COQ2: variants seen among roughly 807,000 people sequenced by gnomAD.
COQ2 encodes 4-hydroxybenzoate polyprenyltransferase, mitochondrial.
COQ2 carries 25 observed loss-of-function variants against 35.7 expected under a neutral mutation model. The observed-to-expected ratio is 0.70, with a 90% CI of 0.51 to 0.98. The LOEUF is 0.98. Ranked by LOEUF, COQ2 falls within the 50% of genes least tolerant of loss-of-function variation. The pLI is 0.00. For synonymous variants in COQ2, 206 were observed against 186.2 expected (o/e 1.11, Z -0.86); for missense variants, 488 against 473.5 (o/e 1.03, Z -0.28).
chr4:83,268,209 G>A (rs1290758383), intron 5 of COQ2, among the ~76,000 whole-genome samples: 1 of 152,116 alleles, frequency 6.6e-6, no homozygotes, highest in Non-Finnish European at 1.5e-5. Flanking sequence ...TTTCAATCTT[G>A]CAAAAGTCAC....
At chr4:83,269,298 C>T (rs1024107439) in intron 5 of COQ2, among the ~76,000 whole-genome samples, 12 of 151,732 alleles carry the variant, frequency 7.9e-5, no homozygotes, top group Non-Finnish European at 2.9e-5. Context: ...ATCTCATAGT[C>T]CATAGTCTTA....
chr4:83,283,912 C>G, intron 1 of COQ2: 1 of 985,412 alleles, frequency 1.0e-6, no homozygotes, highest in Non-Finnish European at 1.2e-6. Flanking sequence ...ACAGGCAGTC[C>G]GTAAGCGCTG....
At chr4:83,282,170 T>C (rs889736836) in intron 1 of COQ2, among the ~76,000 whole-genome samples, 1 of 152,132 alleles carries the variant, frequency 6.6e-6, no homozygotes, top group African/African-American at 2.4e-5. Flanking sequence ...CAAGACAACA[T>C]AATCACCCAT....
intron 6 of COQ2, chr4:83,266,726 G>A (rs563935880): frequency 1.3e-5 from 2 of 157,336 alleles, no homozygotes; most frequent in East Asian, 1.9e-4. Flanking sequence ...AGTCAACAAT[G>A]TAGATTCTCA....
chr4:83,273,705 G>T, intron 2 of COQ2, 88 bp from the exon 3 acceptor site: 2 of 1,224,024 alleles, frequency 1.6e-6, no homozygotes, highest in Non-Finnish European at 2.3e-6. Flanking sequence ...CCCATGGTAG[G>T]CACAAATATG....
At chr4:83,277,980 AC>A (rs1735225230) in intron 2 of COQ2, among the ~76,000 whole-genome samples, 1 of 3,012 alleles carries the variant, frequency 3.3e-4, no homozygotes, top group South Asian at 0.028. Flanking sequence ...CAAAACACAC[AC>A]ACACACACAC....
In COQ2 at chr4:83,284,465, A is replaced by C. The variant is rs13113787; in HGVS notation, c.253+47T>G. The C allele has an allele frequency of 0.95, 1,448,784 of 1,519,782 alleles. 692,662 individuals are homozygous for C. The highest frequency in any genetic ancestry group is 0.99 in the East Asian group (36,784 of 37,068). 94.1% of individuals were successfully genotyped at this position (1,519,782 alleles called of 1,614,324 possible). A position where few individuals can be genotyped will look rare whatever the true frequency, so the allele number is the denominator to read the frequency against. ...GGACAGCTCCGCGGAGCCGACTCGG[A>C]GGCTGCTACTTGCAAATTCCCGGGC... On this transcript the variant is annotated intron_variant, in intron 1 of 6. Coordinates refer to ENST00000647002, the MANE Select transcript of COQ2 (RefSeq NM_001358921.2).
Position 83,264,026 on chromosome 4 carries a change from G to T in COQ2, c.*173C>A. The stretch of plus-strand genomic sequence containing the variant: ...CATCTCAAATCCTGAAGAGTCCCTG[G>T]TTTCTGTGACAAGGGGGAATTTTGC... On this transcript the variant is annotated 3_prime_UTR_variant, in exon 7 of 7. Coordinates refer to ENST00000647002, the MANE Select transcript of COQ2 (RefSeq NM_001358921.2). 2.0e-6 allele frequency: 1 copy of T among 494,806 alleles called. No individual in the cohort carries two copies. Among genetic ancestry groups the T allele is most frequent in the Non-Finnish European group, 3.4e-6 (1 of 293,098 alleles). The allele number at this position is 494,806 out of a possible 1,614,324, so 30.7% of individuals were successfully genotyped here.
At position 83,264,058 on chromosome 4, in the gene COQ2, A is replaced by G. The variant is rs1041721442; in HGVS notation, c.*141T>C. 1 of 598,052 alleles carries G rather than the reference A, an allele frequency of 1.7e-6. No individual in the cohort carries two copies. The highest frequency in any genetic ancestry group is 2.7e-6 in the Non-Finnish European group (1 of 374,410). The allele number at this position is 598,052 out of a possible 1,614,324, so 37.0% of individuals were successfully genotyped here. ...TGACAAGGGGGAATTTTGCTAGCAA[A>G]TAAGTAAAATCCAGGTAAATATGCT... On this transcript the variant is annotated 3_prime_UTR_variant, in exon 7 of 7. Coordinates refer to ENST00000647002, the MANE Select transcript of COQ2 (RefSeq NM_001358921.2).
At position 83,272,213 on chromosome 4, in the gene COQ2, C is replaced by T. The variant is rs6841889; in HGVS notation, c.543-41G>A. 0.7 allele frequency: 906,422 copies of T among 1,286,364 alleles called. 321,696 individuals are homozygous for T. Among genetic ancestry groups the T allele is most frequent in the East Asian group, 0.84 (34,978 of 41,520 alleles). The allele number at this position is 1,286,364 out of a possible 1,614,324, so 79.7% of individuals were successfully genotyped here. ...ACCATTAAAGTGATTATTACCACTA[C>T]CTCTTAGAAACCACGAAATACTTTA... On this transcript the variant is annotated intron_variant, in intron 3 of 6. Coordinates refer to ENST00000647002, the MANE Select transcript of COQ2 (RefSeq NM_001358921.2).
chr4:83,272,638 A>T (rs1166871455), intron 3 of COQ2, among the ~76,000 whole-genome samples: 1 of 152,242 alleles, frequency 6.6e-6, no homozygotes, highest in Non-Finnish European at 1.5e-5. Context: ...CCAACCTATC[A>T]ACCACCAAAT....
At chr4:83,276,697 T>C (rs955086816) in intron 2 of COQ2, among the ~76,000 whole-genome samples, 1 of 152,208 alleles carries the variant, frequency 6.6e-6, no homozygotes, top group African/African-American at 2.4e-5. Context: ...AGTGGGTATC[T>C]ACCCACAGGA....
intron 2 of COQ2, among the ~76,000 whole-genome samples, chr4:83,276,407 G>A (rs972918843): frequency 6.6e-6 from 1 of 152,070 alleles, no homozygotes. Flanking sequence ...AATTAAGTCT[G>A]ATTTGTCTAT....
intron 1 of COQ2, 26 bp downstream of exon 1, chr4:83,284,486 C>A (rs1393233720): frequency 6.5e-7 from 1 of 1,548,190 alleles, no homozygotes; most frequent in Admixed American, 1.9e-5. Context: ...TGCAAATTCC[C>A]GGGCTGCCCG....
chr4:83,280,048 G>A (rs1185308129), intron 1 of COQ2, among the ~76,000 whole-genome samples: 1 of 151,940 alleles, frequency 6.6e-6, no homozygotes, highest in African/African-American at 2.4e-5. Context: ...CAGGCTAGTT[G>A]CAAACTCTTG....
At chr4:83,276,787 C>T (rs368242056) in intron 2 of COQ2, among the ~76,000 whole-genome samples, 2 of 152,168 alleles carry the variant, frequency 1.3e-5, no homozygotes, top group East Asian at 1.9e-4. Context: ...GTCGTGGAAT[C>T]AACCAAAGTG....
Position 83,269,805 on chromosome 4 carries a change from G to A in COQ2, c.762+55C>T, listed in dbSNP as rs1254256801. ...AAAAAAATGCTTTCTCCTTAATTTGGTTCTTTAAAAACAGCAACAACTAAA... is the reference window on the plus strand; with the variant it reads ...AAAAAAATGCTTTCTCCTTAATTTGATTCTTTAAAAACAGCAACAACTAAA... On this transcript the variant is annotated intron_variant, in intron 5 of 6. Transcript: ENST00000647002. 2.2e-6 allele frequency: 3 copies of A among 1,384,094 alleles called. No individual in the cohort carries two copies. The African/African-American group carries it at 4.6e-5, about 21-fold the overall frequency. The allele number at this position is 1,384,094 out of a possible 1,614,324, so 85.7% of individuals were successfully genotyped here. A position where few individuals can be genotyped will look rare whatever the true frequency, so the allele number is the denominator to read the frequency against.
intron 6 of COQ2, among the ~76,000 whole-genome samples, chr4:83,266,514 T>C (rs1734923101): frequency 6.6e-6 from 1 of 152,128 alleles, no homozygotes; most frequent in Non-Finnish European, 1.5e-5. Context: ...CCCACCACCA[T>C]GCCCAGCTAA....
In COQ2 at chr4:83,284,781, G is replaced by A. The variant is rs780264467; in HGVS notation, c.-17C>T. The A allele has an allele frequency of 4.2e-5, 66 of 1,563,968 alleles. No individual in the cohort carries two copies. Among genetic ancestry groups the A allele is most frequent in the Non-Finnish European group, 5.6e-5 (65 of 1,162,102 alleles). Reference sequence around the variant, plus strand: ...GCCCAGCATGGCGCTGGTGAGGCCGGGACGAGCTCGGATTGACGTCATTCC... The same window carrying A: ...GCCCAGCATGGCGCTGGTGAGGCCGAGACGAGCTCGGATTGACGTCATTCC... On this transcript the variant is annotated 5_prime_UTR_variant, in exon 1 of 7. Coordinates refer to ENST00000647002, the MANE Select transcript of COQ2 (RefSeq NM_001358921.2).
Sources: allele counts gnomAD v4.1 joint callset (sites outside exome capture counted in the v4.1 genomes callset), GRCh38; gene constraint gnomAD v4.1.1; transcripts MANE v1.5; gene names NCBI Gene and HGNC (gene_info 2026-07-23, HGNC 2026-07-21).